RBMS1: variants seen among roughly 807,000 people sequenced by gnomAD.
RBMS1 encodes RNA-binding motif, single-stranded-interacting protein 1.
A neutral mutation model predicts 62.3 loss-of-function variants in RBMS1; 17 were observed. The observed-to-expected ratio is 0.27, with a 90% CI of 0.19 to 0.41. RBMS1 has a LOEUF of 0.41. Ranked by LOEUF, RBMS1 falls within the 10% of genes least tolerant of loss-of-function variation. The probability of loss-of-function intolerance (pLI) is 1.00; values close to 1 mark genes in which losing one functional copy is unlikely to be tolerated. For missense variants in RBMS1, 334 were observed against 504.5 expected (o/e 0.66, Z 3.24); for synonymous variants, 172 against 170.0 (o/e 1.01, Z -0.09).
At chr2:160,376,928 A>G (rs912293222) in intron 1 of RBMS1, among the ~76,000 whole-genome samples, 2 of 152,162 alleles carry the variant, frequency 1.3e-5, no homozygotes, top group African/African-American at 2.4e-5. Context: ...TCAGCCTTTC[A>G]AAGTGCTGGG....
intron 8 of RBMS1, 58 bp downstream of exon 8, chr2:160,284,937 A>G (rs1688292850): frequency 1.3e-6 from 2 of 1,576,876 alleles, no homozygotes; most frequent in South Asian, 1.1e-5. Flanking sequence ...CAAATGTCTG[A>G]TATTTTCCAC....
intron 11 of RBMS1, 44 bp from the exon 12 acceptor site, chr2:160,277,427 C>G: frequency 6.7e-7 from 1 of 1,489,208 alleles, no homozygotes; most frequent in South Asian, 1.1e-5. Flanking sequence ...GTAAACCATG[C>G]AAAATTTGGA....
chr2:160,428,518 G>C (rs1384712337), intron 1 of RBMS1, among the ~76,000 whole-genome samples: 1 of 136,870 alleles, frequency 7.3e-6, no homozygotes, highest in East Asian at 3.1e-4. Context: ...AGAAGAAGAA[G>C]AAGAAAAAAA....
chr2:160,448,966 A>AGT (rs1026402526), intron 1 of RBMS1, among the ~76,000 whole-genome samples: 1 of 148,904 alleles, frequency 6.7e-6, no homozygotes, highest in African/African-American at 2.5e-5. Flanking sequence ...GGAACTGAGG[A>AGT]GTGTCTCTGC....
intron 2 of RBMS1, among the ~76,000 whole-genome samples, chr2:160,357,095 C>T (rs1692842822): frequency 6.6e-6 from 1 of 152,052 alleles, no homozygotes; most frequent in South Asian, 2.1e-4. Flanking sequence ...GATGACAGTA[C>T]TTTCACCTTC....
chr2:160,354,012 G>A (rs1420721605), intron 2 of RBMS1, among the ~76,000 whole-genome samples: 3 of 152,076 alleles, frequency 2.0e-5, no homozygotes, highest in African/African-American at 7.2e-5. Context: ...GGCGGGGCCA[G>A]GTGGAAAGCT....
intron 1 of RBMS1, among the ~76,000 whole-genome samples, chr2:160,395,185 C>A (rs1198688725): frequency 6.6e-6 from 1 of 152,226 alleles, no homozygotes; most frequent in Non-Finnish European, 1.5e-5. Flanking sequence ...CTGGACAATA[C>A]TACATAGTAT....
chr2:160,351,843 A>G (rs1692531521), intron 2 of RBMS1, among the ~76,000 whole-genome samples: 1 of 152,138 alleles, frequency 6.6e-6, no homozygotes, highest in African/African-American at 2.4e-5. Context: ...GTGACTAAGC[A>G]ATGTTCCTTC....
chr2:160,493,634 C>G lies in RBMS1; in HGVS notation c.-271G>C. The G allele has an allele frequency of 1.9e-6, 1 of 532,538 alleles. No individual in the cohort carries two copies. Among genetic ancestry groups the G allele is most frequent in the Non-Finnish European group, 3.4e-6 (1 of 295,226 alleles). 33.0% of individuals were successfully genotyped at this position (532,538 alleles called of 1,614,324 possible). On this transcript the variant is annotated 5_prime_UTR_variant, in exon 1 of 14. Transcript: ENST00000348849. Reference sequence around the variant, plus strand: ...ACACTGCAGAGCGCAGAGGGCACCCCGGACAGGGCGCTCCCAAGGAGTTTC... The same window carrying G: ...ACACTGCAGAGCGCAGAGGGCACCCGGGACAGGGCGCTCCCAAGGAGTTTC...
chr2:160,305,525 C>T (rs571202099), intron 4 of RBMS1, among the ~76,000 whole-genome samples: 47 of 152,138 alleles, frequency 3.1e-4, no homozygotes, highest in Admixed American at 6.5e-4. Flanking sequence ...TGTAAGTACA[C>T]TCTATGATGT....
intron 2 of RBMS1, among the ~76,000 whole-genome samples, chr2:160,355,251 G>A (rs1692733972): frequency 6.6e-6 from 1 of 152,036 alleles, no homozygotes; most frequent in African/African-American, 2.4e-5. Flanking sequence ...ACCTGTTTCA[G>A]CTGACAGAAT....
At chr2:160,275,408 T>C (rs1262357275) in intron 13 of RBMS1, 16 of 721,874 alleles carry the variant, frequency 2.2e-5, no homozygotes, top group East Asian at 4.4e-5. Context: ...GGGGAGAGTA[T>C]ACATTTGGCT....
intron 4 of RBMS1, among the ~76,000 whole-genome samples, chr2:160,307,361 GAAAAAA>G (rs762396045): frequency 1.2e-5 from 1 of 85,762 alleles, no homozygotes; most frequent in East Asian, 3.1e-4. Flanking sequence ...CCTATTTATT[GAAAAAA>G]AAAAAAAAAA....
At chr2:160,476,884 A>C (rs1261250717) in intron 1 of RBMS1, among the ~76,000 whole-genome samples, 6 of 152,138 alleles carry the variant, frequency 3.9e-5, no homozygotes, top group Non-Finnish European at 8.8e-5. Flanking sequence ...TAAGGATCTT[A>C]TGTTCTTGTA....
chr2:160,489,351 T>C (rs1685728165), intron 1 of RBMS1, among the ~76,000 whole-genome samples: 1 of 152,230 alleles, frequency 6.6e-6, no homozygotes, highest in Non-Finnish European at 1.5e-5. Context: ...AAACTTTATT[T>C]ACATCATAAA....
chr2:160,467,048 A>T (rs1354591707), intron 1 of RBMS1, among the ~76,000 whole-genome samples: 1 of 152,194 alleles, frequency 6.6e-6, no homozygotes, highest in African/African-American at 2.4e-5. Context: ...ACAAGATGCG[A>T]ATTATCCAGG....
At chr2:160,353,152 C>T (rs1692609542) in intron 2 of RBMS1, among the ~76,000 whole-genome samples, 1 of 152,070 alleles carries the variant, frequency 6.6e-6, no homozygotes, top group South Asian at 2.1e-4. Context: ...AACTGTCTCA[C>T]TGTTCTCCCT....
At chr2:160,282,122 G>A in intron 9 of RBMS1, 1 of 783,364 alleles carries the variant, frequency 1.3e-6, no homozygotes, top group African/African-American at 1.8e-5. Flanking sequence ...CAGAGTCTAA[G>A]TAATTTTATT....
intron 1 of RBMS1, among the ~76,000 whole-genome samples, chr2:160,389,684 C>T (rs1559489630): frequency 1.0e-5 from 1 of 97,352 alleles, no homozygotes. Flanking sequence ...GGCAACAGAG[C>T]AAGACTCTTG....
Sources: gnomAD v4.1 joint callset for allele counts (sites outside exome capture counted in the v4.1 genomes callset) on GRCh38, gnomAD v4.1.1 for gene constraint, MANE v1.5 for transcripts, NCBI Gene and HGNC (gene_info 2026-07-23, HGNC 2026-07-21) for gene names.